MDFIC: variants seen among roughly 807,000 people sequenced by gnomAD.
MDFIC encodes MyoD family inhibitor domain containing, also known as myoD family inhibitor domain-containing protein.
In MDFIC, 17 loss-of-function variants were observed where a neutral mutation model predicts 23.2. That is an observed-to-expected ratio of 0.73 (90% CI 0.50 to 1.10). The LOEUF is 1.10. Ranked by LOEUF, MDFIC falls within the 50% of genes least tolerant of loss-of-function variation. The pLI is 0.00. For missense variants in MDFIC, 356 were observed against 316.6 expected (o/e 1.12, Z -0.95); for synonymous variants, 120 against 115.2 (o/e 1.04, Z -0.27).
chr7:114,971,587 G>A (rs1184883053), intron 3 of MDFIC, among the ~76,000 whole-genome samples: 1 of 152,106 alleles, frequency 6.6e-6, no homozygotes, highest in Non-Finnish European at 1.5e-5. Context: ...TTTGTGACCT[G>A]TATTGCTTGC....
At chr7:114,968,276 C>T (rs754961659) in intron 3 of MDFIC, among the ~76,000 whole-genome samples, 1 of 151,996 alleles carries the variant, frequency 6.6e-6, no homozygotes. Flanking sequence ...AAATCATGCT[C>T]CAAAAAATTA....
intron 4 of MDFIC, among the ~76,000 whole-genome samples, chr7:115,013,538 G>A (rs1409763618): frequency 2.0e-5 from 3 of 152,140 alleles, no homozygotes; most frequent in Non-Finnish European, 4.4e-5. Context: ...TGATATTTAA[G>A]CATTGCATAG....
Position 114,996,212 on chromosome 7 carries a change from C to T in MDFIC, c.493+16431C>T, listed in dbSNP as rs905493403. 4.6e-5 allele frequency among the ~76,000 whole-genome samples: 7 copies of T among 152,266 alleles called. No homozygotes were observed. In the South Asian group the frequency reaches 1.0e-3, roughly 23 times the overall value. On this transcript the variant is annotated intron_variant, in intron 4 of 4. Coordinates refer to ENST00000393486, the MANE Select transcript of MDFIC (RefSeq NM_001166345.3). ...TACACAAGGTCCCAAAAAGCGAGAC[C>T]TGCCATGACACCATTGCTGTGATTC...
intron 4 of MDFIC, among the ~76,000 whole-genome samples, chr7:115,014,962 TC>T (rs1473937680): frequency 1.3e-5 from 2 of 152,186 alleles, no homozygotes; most frequent in Admixed American, 6.5e-5. Flanking sequence ...ATGTTAAAGT[TC>T]TTTGCCACCA....
At chr7:114,934,925 T>C (rs1469366061) in intron 2 of MDFIC, among the ~76,000 whole-genome samples, 4 of 152,166 alleles carry the variant, frequency 2.6e-5, no homozygotes. Context: ...GAGGGTTTTT[T>C]TGTTTTTTTT....
intron 4 of MDFIC, among the ~76,000 whole-genome samples, chr7:115,008,229 T>A (rs1399966176): frequency 6.6e-6 from 1 of 151,582 alleles, no homozygotes; most frequent in Non-Finnish European, 1.5e-5. Flanking sequence ...GGAGATGGAG[T>A]CTAGGATTTG....
chr7:114,968,437 T>C (rs1218251378), intron 3 of MDFIC, among the ~76,000 whole-genome samples: 1 of 152,230 alleles, frequency 6.6e-6, no homozygotes, highest in African/African-American at 2.4e-5. Context: ...TATATGTGAA[T>C]CTACTTCTGC....
At chr7:115,003,143 G>A (rs1047723192) in intron 4 of MDFIC, among the ~76,000 whole-genome samples, 2 of 152,052 alleles carry the variant, frequency 1.3e-5, no homozygotes, top group Non-Finnish European at 2.9e-5. Flanking sequence ...CTTTCCTAGA[G>A]TTTCTACTTC....
chr7:114,951,024 C>T (rs530971800), intron 3 of MDFIC, among the ~76,000 whole-genome samples: 53 of 151,954 alleles, frequency 3.5e-4, no homozygotes, highest in African/African-American at 1.3e-3. Flanking sequence ...ACAAAACAAA[C>T]ACAAAAAAAT....
At chr7:114,928,507 A>T (rs1325202664) in intron 2 of MDFIC, among the ~76,000 whole-genome samples, 1 of 152,240 alleles carries the variant, frequency 6.6e-6, no homozygotes, top group African/African-American at 2.4e-5. Flanking sequence ...GCATGGTTGT[A>T]GGACTCAGTT....
chr7:114,941,525 T>C lies in MDFIC; in HGVS notation c.95-750T>C, dbSNP rs777857206. On this transcript the variant is annotated intron_variant, in intron 2 of 4. Coordinates refer to ENST00000393486, the MANE Select transcript of MDFIC (RefSeq NM_001166345.3). ...CTAATCTTTTGAAGTCCATCCAACA[T>C]GTATCATTTTCTTCAGTGCTTTTCT... 5.9e-5 allele frequency among the ~76,000 whole-genome samples: 9 copies of C among 152,304 alleles called. No individual in the cohort carries two copies. In the East Asian group the frequency reaches 1.2e-3, roughly 20 times the overall value.
At chr7:115,003,413 C>G (rs1791502374) in intron 4 of MDFIC, among the ~76,000 whole-genome samples, 1 of 152,162 alleles carries the variant, frequency 6.6e-6, no homozygotes, top group African/African-American at 2.4e-5. Flanking sequence ...TATTTTAAAC[C>G]AAACTGTTTT....
At chr7:114,993,164 G>A (rs1167337013) in intron 4 of MDFIC, among the ~76,000 whole-genome samples, 1 of 152,038 alleles carries the variant, frequency 6.6e-6, no homozygotes, top group East Asian at 1.9e-4. Context: ...ATTCTCTGAT[G>A]GTAGTTTGTA....
rs151175100 is a variant in MDFIC, at chr7:115,015,790, C to A, written c.596C>A (p.Ala199Asp). ...QASCGICTSE[A>D]CCCCCGDEMG... ...TCATGTGGCATCTGCACCTCAGAAG[C>A]CTGCTGCTGTTGCTGTGGTGACGAG... Residue 199 changes from alanine to aspartate, a missense_variant, in exon 5 of 5, where the codon GCC becomes GAC. Coordinates refer to ENST00000393486, the MANE Select transcript of MDFIC (RefSeq NM_001166345.3). 1.4e-4 allele frequency: 233 copies of A among 1,614,172 alleles called. No homozygotes were observed. Among genetic ancestry groups the A allele is most frequent in the Non-Finnish European group, 1.8e-4 (217 of 1,180,026 alleles).
intron 3 of MDFIC, among the ~76,000 whole-genome samples, chr7:114,965,486 A>G (rs1247746962): frequency 2.6e-5 from 4 of 152,218 alleles, no homozygotes; most frequent in Non-Finnish European, 4.4e-5. Flanking sequence ...TTAGGAGACC[A>G]AGATAACCTA....
At chr7:114,977,924 ATAT>A (rs1363597979) in intron 3 of MDFIC, among the ~76,000 whole-genome samples, 4 of 147,924 alleles carry the variant, frequency 2.7e-5, no homozygotes, top group African/African-American at 7.4e-5. Context: ...TATCACATAA[ATAT>A]TATATATGTA....
intron 2 of MDFIC, chr7:114,923,443 A>C: frequency 6.5e-7 from 1 of 1,537,466 alleles, no homozygotes; most frequent in Non-Finnish European, 8.7e-7. Context: ...TAGGTTCTGA[A>C]GCGCTTCTCC....
At chr7:114,975,112 C>A (rs997644619) in intron 3 of MDFIC, among the ~76,000 whole-genome samples, 1 of 151,488 alleles carries the variant, frequency 6.6e-6, no homozygotes, top group African/African-American at 2.4e-5. Flanking sequence ...GTAGAAGCAC[C>A]TATCCTGTTT....
At chr7:114,948,024 T>C (rs989084839) in intron 3 of MDFIC, among the ~76,000 whole-genome samples, 1 of 152,218 alleles carries the variant, frequency 6.6e-6, no homozygotes, top group African/African-American at 2.4e-5. Context: ...CATGTCTTTC[T>C]GAGACCTTTG....
Sources: gnomAD v4.1 joint callset for allele counts (sites outside exome capture counted in the v4.1 genomes callset) on GRCh38, gnomAD v4.1.1 for gene constraint, MANE v1.5 for transcripts, NCBI Gene and HGNC (gene_info 2026-07-23, HGNC 2026-07-21) for gene names.